The following CABLES1 variants were observed in gnomAD, a reference collection of about 807,000 sequenced individuals.
CABLES1 encodes the protein Cdk5 and Abl enzyme substrate 1.
CABLES1 carries 36 observed loss-of-function variants against 57.8 expected under a neutral mutation model. That is an observed-to-expected ratio of 0.62 (90% CI 0.48 to 0.82). The LOEUF is 0.82. Ranked by LOEUF, CABLES1 falls within the 40% of genes least tolerant of loss-of-function variation. The probability of loss-of-function intolerance (pLI) is 0.00; values close to 1 mark genes in which losing one functional copy is unlikely to be tolerated. For missense variants in CABLES1, 767 were observed against 836.6 expected (o/e 0.92, Z 1.03); for synonymous variants, 374 against 363.0 (o/e 1.03, Z -0.35).
At chr18:23,191,080 C>CAAAAAA (rs10636287) in intron 2 of CABLES1, among the ~76,000 whole-genome samples, 3 of 63,590 alleles carry the variant, frequency 4.7e-5, no homozygotes, top group Admixed American at 1.5e-4. Flanking sequence ...CCCATCTCTA[C>CAAAAAA]AAAAAAAAAA....
intron 4 of CABLES1, among the ~76,000 whole-genome samples, chr18:23,218,258 A>ACATCCTCACTTGCCCTGCCTCCTG (rs2047457182): frequency 7.2e-6 from 1 of 139,072 alleles, no homozygotes; most frequent in African/African-American, 2.7e-5. Flanking sequence ...CCTGCCTCCC[A>ACATCCTCACTTGCCCTGCCTCCTG]CATCCTCACT....
chr18:23,222,820 C>A (rs1352124504), intron 4 of CABLES1, among the ~76,000 whole-genome samples: 1 of 152,090 alleles, frequency 6.6e-6, no homozygotes, highest in East Asian at 1.9e-4. Context: ...ACCTCAGGGT[C>A]CTGCTTCTCT....
chr18:23,222,400 A>ATC (rs1395038012), intron 4 of CABLES1, among the ~76,000 whole-genome samples: 1 of 151,994 alleles, frequency 6.6e-6, no homozygotes, highest in Non-Finnish European at 1.5e-5. Flanking sequence ...TCCTCAAGGT[A>ATC]TCTGCAGCAC....
intron 6 of CABLES1, among the ~76,000 whole-genome samples, chr18:23,236,316 G>C (rs2047611729): frequency 6.6e-6 from 1 of 152,144 alleles, no homozygotes; most frequent in Non-Finnish European, 1.5e-5. Context: ...AGATGGCTGT[G>C]TCTCCCAGCT....
At chr18:23,184,769 A>G (rs1050387552) in intron 1 of CABLES1, among the ~76,000 whole-genome samples, 6 of 152,212 alleles carry the variant, frequency 3.9e-5, no homozygotes, top group African/African-American at 7.2e-5. Flanking sequence ...CTAGGTCACT[A>G]TCTGGGTGCG....
intron 3 of CABLES1, among the ~76,000 whole-genome samples, chr18:23,200,569 G>A (rs1301970148): frequency 6.6e-6 from 1 of 152,148 alleles, no homozygotes; most frequent in African/African-American, 2.4e-5. Context: ...GTCAGGAGAG[G>A]GTAGATTTTA....
intron 3 of CABLES1, among the ~76,000 whole-genome samples, chr18:23,200,812 A>G (rs1199347909): frequency 1.3e-5 from 2 of 152,264 alleles, no homozygotes; most frequent in African/African-American, 2.4e-5. Context: ...CCCTGTGGAT[A>G]GAGCAGTGAG....
At chr18:23,215,943 A>G (rs951298512) in intron 4 of CABLES1, among the ~76,000 whole-genome samples, 1 of 151,916 alleles carries the variant, frequency 6.6e-6, no homozygotes, top group Admixed American at 6.6e-5. Flanking sequence ...TTTAGTAGAG[A>G]CGGGGTTTCA....
rs976335587 is a variant in CABLES1 at position 23,214,060 on chromosome 18, T to G, written c.1088+6T>G. ...CGCGACAGTACCCAAGTCGGGTATG[T>G]ATATGCATGCATGCTTTGTAGTTCT... On this transcript the variant is annotated splice_donor_region_variant and intron_variant, in intron 4 of 9. Transcript: ENST00000256925. 65 of 1,596,292 alleles carry G rather than the reference T, an allele frequency of 4.1e-5. No individual in the cohort carries two copies. Among genetic ancestry groups the G allele is most frequent in the Non-Finnish European group, 5.3e-5 (62 of 1,165,414 alleles).
chr18:23,195,860 C>G (rs1357695502), intron 3 of CABLES1, among the ~76,000 whole-genome samples: 1 of 152,152 alleles, frequency 6.6e-6, no homozygotes, highest in East Asian at 1.9e-4. Context: ...ACAGAGCTTA[C>G]TCATGCCATT....
chr18:23,209,909 G>A (rs2047392767), intron 3 of CABLES1, among the ~76,000 whole-genome samples: 1 of 152,210 alleles, frequency 6.6e-6, no homozygotes, highest in East Asian at 1.9e-4. Context: ...TCTCCTGGCT[G>A]TTCTGGACAC....
At chr18:23,154,299 G>A (rs374831171) in intron 1 of CABLES1, among the ~76,000 whole-genome samples, 40 of 152,202 alleles carry the variant, frequency 2.6e-4, no homozygotes, top group African/African-American at 6.7e-4. Context: ...GTTCTTGCTC[G>A]GCAAGTCAAA....
chr18:23,240,344 C>T (rs539194888), intron 7 of CABLES1, among the ~76,000 whole-genome samples: 9 of 152,256 alleles, frequency 5.9e-5, no homozygotes, highest in Middle Eastern at 6.8e-3. Flanking sequence ...CTGTAGAAGT[C>T]GTTGCCCTTC....
chr18:23,168,284 A>G (rs751271468), intron 1 of CABLES1, among the ~76,000 whole-genome samples: 16 of 152,246 alleles, frequency 1.1e-4, no homozygotes, highest in Non-Finnish European at 2.2e-4. Flanking sequence ...ATTTAGCCTT[A>G]AAAAGGAAAG....
intron 1 of CABLES1, among the ~76,000 whole-genome samples, chr18:23,142,226 A>G (rs900832859): frequency 1.3e-5 from 2 of 152,228 alleles, no homozygotes; most frequent in African/African-American, 4.8e-5. Context: ...CATGTAACTA[A>G]TGAAGGAATA....
chr18:23,156,016 T>A (rs2046963304), intron 1 of CABLES1: 6 of 1,569,302 alleles, frequency 3.8e-6, no homozygotes, highest in Non-Finnish European at 5.3e-6. Flanking sequence ...GGCTCCCCCC[T>A]TTGGATGCTG....
intron 4 of CABLES1, among the ~76,000 whole-genome samples, chr18:23,218,568 CCGCA>C (rs2145059684): frequency 1.2e-5 from 1 of 82,056 alleles, no homozygotes; most frequent in Non-Finnish European, 2.3e-5. Flanking sequence ...GCCCTGCCTC[CCGCA>C]TCCTCACTTG....
chr18:23,199,666 A>G (rs766031720), intron 3 of CABLES1, among the ~76,000 whole-genome samples: 5 of 152,198 alleles, frequency 3.3e-5, no homozygotes, highest in Non-Finnish European at 7.3e-5. Flanking sequence ...GGTGGTAGGT[A>G]AGAGGTAACC....
chr18:23,180,042 C>T (rs1335317451), intron 1 of CABLES1, among the ~76,000 whole-genome samples: 1 of 152,178 alleles, frequency 6.6e-6, no homozygotes, highest in Non-Finnish European at 1.5e-5. Flanking sequence ...CCTCAGCCTT[C>T]TGAGTAGCTG....
Sources: gnomAD v4.1 joint callset for allele counts (sites outside exome capture counted in the v4.1 genomes callset) on GRCh38, gnomAD v4.1.1 for gene constraint, MANE v1.5 for transcripts, NCBI Gene and HGNC (gene_info 2026-07-23, HGNC 2026-07-21) for gene names.